The following VPS13C variants were observed in gnomAD, a reference collection of about 807,000 sequenced individuals.
VPS13C encodes vacuolar protein sorting 13 homolog C.
VPS13C carries 358 observed loss-of-function variants against 456.8 expected under a neutral mutation model. That is an observed-to-expected ratio of 0.78 (90% confidence interval 0.72 to 0.86). The LOEUF (loss-of-function observed/expected upper bound fraction) is 0.86, where lower values mean the gene tolerates loss of function less well. Ranked by LOEUF, VPS13C falls within the 40% of genes least tolerant of loss-of-function variation. The probability of loss-of-function intolerance (pLI) is 0.00; values close to 1 mark genes in which losing one functional copy is unlikely to be tolerated. For missense variants in VPS13C, 4,818 were observed against 4,385.4 expected (o/e 1.10, Z -2.79); for synonymous variants, 1,578 against 1,486.7 (o/e 1.06, Z -1.41).
chr15:62,039,704 A>G (rs2048179453), intron 3 of VPS13C, among the ~76,000 whole-genome samples: 1 of 152,170 alleles, frequency 6.6e-6, no homozygotes, highest in Admixed American at 6.5e-5. Context: ...AAGATAGGCA[A>G]TAACAAATGT....
At chr15:61,890,510 T>C (rs1226395287) in intron 66 of VPS13C, 110 bp from the exon 67 acceptor site, 14 of 910,888 alleles carry the variant, frequency 1.5e-5, no homozygotes, top group East Asian at 5.3e-5. Context: ...CTACTATAAA[T>C]TGAAAAATTC....
intron 9 of VPS13C, among the ~76,000 whole-genome samples, chr15:62,019,157 C>A (rs888167061): frequency 6.6e-6 from 1 of 151,944 alleles, no homozygotes; most frequent in African/African-American, 2.4e-5. Context: ...TTTTTTATTG[C>A]GTCTATCTGA....
chr15:61,938,271 T>G lies in VPS13C; in HGVS notation c.5602-1521A>C, dbSNP rs186790410. On this transcript the variant is annotated intron_variant, in intron 47 of 84. Transcript: ENST00000644861. ...ACCCCTCTTTCACTTTGCTGTGGGGTGGGGGGGGAACAAGTATGAAGGACA... is the reference window on the plus strand; with the variant it reads ...ACCCCTCTTTCACTTTGCTGTGGGGGGGGGGGGGAACAAGTATGAAGGACA... Among the ~76,000 whole-genome samples, 484 of 145,170 alleles carry G rather than the reference T, an allele frequency of 3.3e-3. 15 individuals are homozygous for G. Among genetic ancestry groups the G allele is most frequent in the African/African-American group, 0.012 (451 of 38,472 alleles).
chr15:61,945,311 T>A (rs1477367670), intron 45 of VPS13C, among the ~76,000 whole-genome samples: 1 of 152,230 alleles, frequency 6.6e-6, no homozygotes, highest in Non-Finnish European at 1.5e-5. Flanking sequence ...AAGCATTTCA[T>A]GATGCTGTTG....
At chr15:61,870,524 G>C (rs761399561) in intron 79 of VPS13C, among the ~76,000 whole-genome samples, 9 of 152,110 alleles carry the variant, frequency 5.9e-5, no homozygotes, top group Non-Finnish European at 5.9e-5. Context: ...GTTTATTCAT[G>C]TATCAGGTGA....
At chr15:61,893,807 TC>T in intron 66 of VPS13C, among the ~76,000 whole-genome samples, 1 of 152,196 alleles carries the variant, frequency 6.6e-6, no homozygotes, top group East Asian at 1.9e-4. Flanking sequence ...TCCTTTCTGA[TC>T]AAAGTTAAGT....
rs1407489518 is a variant in VPS13C at position 61,984,020 on chromosome 15, C to A, written c.1722-8G>T. 1 of 1,605,614 alleles carries A rather than the reference C, an allele frequency of 6.2e-7. No individual in the cohort carries two copies. The highest frequency in any genetic ancestry group is 1.7e-5 in the Admixed American group (1 of 58,896). ...TCTAATTTCGCTTCTACCCTATAAT[C>A]CAATGAAGAACAAGGAAAGATGCAG... On this transcript the variant is annotated splice_region_variant and splice_polypyrimidine_tract_variant and intron_variant, in intron 19 of 84. Coordinates refer to ENST00000644861, the MANE Select transcript of VPS13C (RefSeq NM_020821.3).
intron 74 of VPS13C, among the ~76,000 whole-genome samples, chr15:61,877,394 C>T (rs1895503661): frequency 9.4e-6 from 1 of 106,390 alleles, no homozygotes; most frequent in Non-Finnish European, 2.4e-5. Flanking sequence ...GCCCTGTTTA[C>T]ACTCAACACT....
intron 66 of VPS13C, among the ~76,000 whole-genome samples, chr15:61,900,832 A>T (rs1472048611): frequency 1.3e-5 from 2 of 151,888 alleles, no homozygotes; most frequent in African/African-American, 2.4e-5. Context: ...ACAAAGCTGG[A>T]GGCATCACAC....
chr15:61,972,619 A>T lies in VPS13C; in HGVS notation c.2757+6T>A. 1.2e-6 allele frequency: 2 copies of T among 1,612,100 alleles called. No homozygotes were observed. The highest frequency in any genetic ancestry group is 1.7e-6 in the Non-Finnish European group (2 of 1,179,392). The stretch of plus-strand genomic sequence containing the variant: ...TATATCTATTTATAGACAAAAAAGC[A>T]CATACTTCTTTAATTTCAAACTTGA... On this transcript the variant is annotated splice_donor_region_variant and intron_variant, in intron 27 of 84. Coordinates refer to ENST00000644861, the MANE Select transcript of VPS13C (RefSeq NM_020821.3).
chr15:61,859,815 T>C (rs1164968348), intron 82 of VPS13C, among the ~76,000 whole-genome samples: 1 of 152,052 alleles, frequency 6.6e-6, no homozygotes, highest in African/African-American at 2.4e-5. Context: ...TCTGTGTCCC[T>C]GTATTTGTCA....
At chr15:61,872,806 T>C (rs1227297792) in intron 78 of VPS13C, among the ~76,000 whole-genome samples, 1 of 152,096 alleles carries the variant, frequency 6.6e-6, no homozygotes, top group Non-Finnish European at 1.5e-5. Flanking sequence ...ATACATCACC[T>C]ATATAATTAA....
chr15:61,893,522 T>C (rs1484825944), intron 66 of VPS13C, among the ~76,000 whole-genome samples: 2 of 149,694 alleles, frequency 1.3e-5, no homozygotes, highest in Non-Finnish European at 3.0e-5. Flanking sequence ...AATGTTAAAA[T>C]GAAAAAAAAA....
At chr15:61,896,081 T>G (rs2042801875) in intron 66 of VPS13C, among the ~76,000 whole-genome samples, 1 of 152,182 alleles carries the variant, frequency 6.6e-6, no homozygotes, top group Non-Finnish European at 1.5e-5. Context: ...TTGTGTCAAT[T>G]TTTAAACATT....
At chr15:62,028,024 G>A (rs2047695241) in intron 6 of VPS13C, among the ~76,000 whole-genome samples, 2 of 151,992 alleles carry the variant, frequency 1.3e-5, no homozygotes, top group Non-Finnish European at 1.5e-5. Context: ...AGAAACTACT[G>A]AACTCTAGAA....
intron 12 of VPS13C, among the ~76,000 whole-genome samples, chr15:62,011,267 A>G (rs1275379388): frequency 6.6e-6 from 1 of 152,132 alleles, no homozygotes; most frequent in Non-Finnish European, 1.5e-5. Flanking sequence ...AAGACTGTAC[A>G]AAATTTTCAA....
chr15:61,968,102 C>G (rs559600347), intron 28 of VPS13C, among the ~76,000 whole-genome samples: 71 of 151,958 alleles, frequency 4.7e-4, no homozygotes, highest in South Asian at 1.0e-3. Flanking sequence ...TAAACCTTAT[C>G]TTAACACAGG....
intron 55 of VPS13C, 130 bp downstream of exon 55, chr15:61,921,817 G>C (rs369274669): frequency 1.3e-6 from 1 of 783,158 alleles, no homozygotes. Context: ...AAAGAGTTCT[G>C]ACCTCATGGA....
intron 66 of VPS13C, among the ~76,000 whole-genome samples, chr15:61,905,167 G>A (rs976911104): frequency 1.1e-4 from 17 of 152,092 alleles, no homozygotes; most frequent in African/African-American, 4.1e-4. Flanking sequence ...TGTTTCAGGT[G>A]ATACGCCAAT....
Sources: allele counts gnomAD v4.1 joint callset (sites outside exome capture counted in the v4.1 genomes callset), GRCh38; gene constraint gnomAD v4.1.1; transcripts MANE v1.5; gene names NCBI Gene and HGNC (gene_info 2026-07-23, HGNC 2026-07-21).